SLC6A5: variants seen among roughly 807,000 people sequenced by gnomAD.
The protein encoded by SLC6A5 is solute carrier family 6 member 5, also known as sodium- and chloride-dependent glycine transporter 2.
Under a neutral mutation model 90.5 loss-of-function variants are expected in SLC6A5, and 58 were observed. That is an observed-to-expected ratio of 0.64 (90% confidence interval 0.52 to 0.80). The LOEUF (loss-of-function observed/expected upper bound fraction) is 0.80. SLC6A5 is among the 30% of genes least tolerant of loss of function. The probability of loss-of-function intolerance (pLI) is 0.00; values close to 1 mark genes in which losing one functional copy is unlikely to be tolerated. For synonymous variants in SLC6A5, 427 were observed against 401.4 expected (o/e 1.06, Z -0.76); for missense variants, 1,015 against 1,017.6 (o/e 1.00, Z 0.03).
intron 6 of SLC6A5, among the ~76,000 whole-genome samples, chr11:20,617,102 T>C (rs11025652): frequency 0.18 from 27,120 of 152,238 alleles, 2,694 homozygotes; most frequent in Middle Eastern, 0.24. Flanking sequence ...ATGTCTTCAT[T>C]ATCTAAATGA....
At chr11:20,610,632 C>T (rs531989049) in intron 5 of SLC6A5, among the ~76,000 whole-genome samples, 1 of 152,266 alleles carries the variant, frequency 6.6e-6, no homozygotes, top group South Asian at 2.1e-4. Flanking sequence ...ATTTATGTCA[C>T]TGCTGGGGGA....
At chr11:20,615,259 A>G (rs1852763495) in intron 6 of SLC6A5, among the ~76,000 whole-genome samples, 1 of 152,146 alleles carries the variant, frequency 6.6e-6, no homozygotes, top group Non-Finnish European at 1.5e-5. Flanking sequence ...GTATTTTTTA[A>G]TATCAGTATT....
intron 3 of SLC6A5, 58 bp from the exon 4 acceptor site, chr11:20,606,949 G>T: frequency 5.6e-6 from 9 of 1,611,730 alleles, no homozygotes; most frequent in Admixed American, 1.7e-5. Context: ...AGAGGGTTAA[G>T]GAGGGCAGCA....
chr11:20,614,888 T>A, intron 6 of SLC6A5, 68 bp downstream of exon 6: 2 of 1,473,582 alleles, frequency 1.4e-6, no homozygotes, highest in Non-Finnish European at 1.9e-6. Flanking sequence ...AATATTCAAT[T>A]TGCAGACCAG....
rs1243583242 is a variant in SLC6A5, at chr11:20,658,029, A to G, written c.*3161A>G. On this transcript the variant is annotated 3_prime_UTR_variant, in exon 16 of 16. Coordinates refer to ENST00000525748, the MANE Select transcript of SLC6A5 (RefSeq NM_004211.5). ...TGCAATGTGTTTTTAATATGTAAGAAATGTAATCAACTTGTATTTCAGTAA... is the reference window on the plus strand; with the variant it reads ...TGCAATGTGTTTTTAATATGTAAGAGATGTAATCAACTTGTATTTCAGTAA... 1 of 152,224 alleles carries G rather than the reference A, an allele frequency of 6.6e-6. No individual in the cohort carries two copies. The highest frequency in any genetic ancestry group is 1.5e-5 in the Non-Finnish European group (1 of 68,042). 9.4% of individuals were successfully genotyped at this position (152,224 alleles called of 1,614,324 possible).
intron 13 of SLC6A5, among the ~76,000 whole-genome samples, chr11:20,641,108 T>G (rs1193352379): frequency 6.6e-6 from 1 of 152,180 alleles, no homozygotes; most frequent in Non-Finnish European, 1.5e-5. Context: ...ACTCCCTTAG[T>G]TTTGTGTAGA....
At chr11:20,603,609 T>C (rs1041120478) in intron 2 of SLC6A5, among the ~76,000 whole-genome samples, 9 of 152,168 alleles carry the variant, frequency 5.9e-5, no homozygotes, top group Non-Finnish European at 1.2e-4. Context: ...TGTTTGTTTG[T>C]TTTCCGTCTT....
chr11:20,658,175 A>G lies in SLC6A5; in HGVS notation c.*3307A>G, dbSNP rs897795505. 1 of 152,076 alleles carries G rather than the reference A, an allele frequency of 6.6e-6. No individual in the cohort carries two copies. The highest frequency in any genetic ancestry group is 2.4e-5 in the African/African-American group (1 of 41,388). 9.4% of individuals were successfully genotyped at this position (152,076 alleles called of 1,614,324 possible). A position where few individuals can be genotyped will look rare whatever the true frequency, so the allele number is the denominator to read the frequency against. The stretch of plus-strand genomic sequence containing the variant: ...TAATTAAGTTCTTGTTTCCTCATCT[A>G]TGTGTCTCTCAGTGCTTCCTGTCCA... On this transcript the variant is annotated 3_prime_UTR_variant, in exon 16 of 16. Transcript: ENST00000525748.
In SLC6A5 at chr11:20,637,078, T is replaced by C; in HGVS notation, c.1738-94T>C. The C allele has an allele frequency of 5.9e-6, 8 of 1,355,298 alleles. No homozygotes were observed. The South Asian group carries it at 9.5e-5, about 16-fold the overall frequency. 84.0% of individuals were successfully genotyped at this position (1,355,298 alleles called of 1,614,324 possible). ...TCCTAAAAACCAAACCTAACACAAA[T>C]ACAACTTTCCTGGATGGGACATACA... is the stretch of plus-strand genomic sequence containing the variant. On this transcript the variant is annotated intron_variant, in intron 11 of 15. Coordinates refer to ENST00000525748, the MANE Select transcript of SLC6A5 (RefSeq NM_004211.5).
chr11:20,615,858 G>C (rs1271945897), intron 6 of SLC6A5, among the ~76,000 whole-genome samples: 1 of 152,204 alleles, frequency 6.6e-6, no homozygotes, highest in Non-Finnish European at 1.5e-5. Flanking sequence ...AAACCAAAGA[G>C]GCTGCCTGTC....
At chr11:20,624,437 C>A (rs2133795601) in intron 7 of SLC6A5, among the ~76,000 whole-genome samples, 1 of 152,154 alleles carries the variant, frequency 6.6e-6, no homozygotes, top group Admixed American at 6.5e-5. Flanking sequence ...CAGGTGTGAG[C>A]CAACGCTCCC....
chr11:20,612,304 C>A (rs964706012), intron 5 of SLC6A5, among the ~76,000 whole-genome samples: 2 of 152,100 alleles, frequency 1.3e-5, no homozygotes, highest in African/African-American at 4.8e-5. Flanking sequence ...GTGTGCCAGG[C>A]ATTGTGGGAA....
At chr11:20,607,367 T>G in intron 4 of SLC6A5, 112 bp from the exon 5 acceptor site, 1 of 1,279,572 alleles carries the variant, frequency 7.8e-7, no homozygotes, top group South Asian at 1.2e-5. Context: ...CTGCTATTAG[T>G]GCATCCATTC....
Position 20,614,856 on chromosome 11 carries a change from A to G in SLC6A5, c.1127+36A>G, listed in dbSNP as rs566296602. The G allele has an allele frequency of 1.3e-5, 20 of 1,559,992 alleles. No homozygotes were observed. In the African/African-American group the frequency reaches 2.3e-4, roughly 18 times the overall value. ...TTTCTTTTTCCTTTTTTACCTTCTA[A>G]GAGAAACACAGTGAATTAATAAATA... On this transcript the variant is annotated intron_variant, in intron 6 of 15. Transcript: ENST00000525748.
chr11:20,613,918 G>A (rs541388114), intron 5 of SLC6A5, among the ~76,000 whole-genome samples: 1 of 152,204 alleles, frequency 6.6e-6, no homozygotes, highest in Admixed American at 6.5e-5. Flanking sequence ...TTAGACACCA[G>A]TAAGCACCAG....
chr11:20,638,569 C>T lies in SLC6A5; in HGVS notation c.1969+11C>T, dbSNP rs778125181. 6.6e-7 allele frequency: 1 copy of T among 1,507,326 alleles called. No individual in the cohort carries two copies. The highest frequency in any genetic ancestry group is 9.2e-7 in the Non-Finnish European group (1 of 1,083,086). The allele number at this position is 1,507,326 out of a possible 1,614,324, so 93.4% of individuals were successfully genotyped here. ...TCTCTTATGTGTATGGTAAGGAAAT[C>T]ACTGTGCCTGTTGCTGAAGTAGAGC... On this transcript the variant is annotated intron_variant, in intron 13 of 15. Transcript: ENST00000525748.
At position 20,626,616 on chromosome 11, in the gene SLC6A5, G is replaced by T. The variant is rs1590168679; in HGVS notation, c.1261-92G>T. Reference sequence around the variant, plus strand: ...TACCCTGATGTGCTCTCTGTCATGCGCAGCCCCACTCTTCCCCGAGCAATG... The same window carrying T: ...TACCCTGATGTGCTCTCTGTCATGCTCAGCCCCACTCTTCCCCGAGCAATG... On this transcript the variant is annotated intron_variant, in intron 7 of 15. Transcript: ENST00000525748. 4 of 1,395,676 alleles carry T rather than the reference G, an allele frequency of 2.9e-6. No individual in the cohort carries two copies. In the African/African-American group the frequency reaches 4.2e-5, roughly 15 times the overall value. The allele number at this position is 1,395,676 out of a possible 1,614,324, so 86.5% of individuals were successfully genotyped here. A position where few individuals can be genotyped will look rare whatever the true frequency, so the allele number is the denominator to read the frequency against.
At chr11:20,618,021 C>A in intron 7 of SLC6A5, 137 bp downstream of exon 7, 1 of 882,186 alleles carries the variant, frequency 1.1e-6, no homozygotes, top group Non-Finnish European at 1.9e-6. Context: ...AGCTGAGGGG[C>A]TGTGACTTCA....
chr11:20,630,595 A>G, intron 9 of SLC6A5, 96 bp from the exon 10 acceptor site: 1 of 1,400,876 alleles, frequency 7.1e-7, no homozygotes, highest in Admixed American at 1.7e-5. Context: ...ACACATGTGC[A>G]GACAAACATG....
Sources: allele counts gnomAD v4.1 joint callset (sites outside exome capture counted in the v4.1 genomes callset), GRCh38; gene constraint gnomAD v4.1.1; transcripts MANE v1.5; gene names NCBI Gene and HGNC (gene_info 2026-07-23, HGNC 2026-07-21).